The following BEND6 variants were observed in gnomAD, a reference collection of about 807,000 sequenced individuals.
BEND6 encodes the protein BEN domain containing 6.
A neutral mutation model predicts 31.8 loss-of-function variants in BEND6; 24 were observed. The observed-to-expected ratio is 0.75, with a 90% CI of 0.55 to 1.06. The LOEUF is 1.06. Among genes scored for constraint, BEND6 ranks in the 50% least tolerant of loss-of-function variants. BEND6 has a pLI of 0.00. For missense variants in BEND6, 294 were observed against 327.4 expected (o/e 0.90, Z 0.79); for synonymous variants, 109 against 114.6 (o/e 0.95, Z 0.31).
chr6:57,001,534 G>C (rs931633857), intron 3 of BEND6, among the ~76,000 whole-genome samples: 1 of 152,124 alleles, frequency 6.6e-6, no homozygotes, highest in Non-Finnish European at 1.5e-5. Context: ...TCAGGTGAAT[G>C]GTGGACTTCT....
chr6:56,960,535 TAATAA>T (rs1825252753), intron 1 of BEND6, among the ~76,000 whole-genome samples: 2 of 152,370 alleles, frequency 1.3e-5, no homozygotes, highest in Middle Eastern at 3.4e-3. Flanking sequence ...GTTGTGATGA[TAATAA>T]AACTACAGCA....
At chr6:57,010,690 TA>T in intron 3 of BEND6, 3 of 913,644 alleles carry the variant, frequency 3.3e-6, no homozygotes, top group Non-Finnish European at 3.9e-6. Context: ...ATTAAAAGTT[TA>T]AAAAATATAT....
Position 56,981,696 on chromosome 6 carries a change from G to T in BEND6, c.-100-15G>T. The T allele has an allele frequency of 8.2e-7, 1 of 1,217,746 alleles. No homozygotes were observed. Among genetic ancestry groups the T allele is most frequent in the South Asian group, 1.3e-5 (1 of 74,262 alleles). 75.4% of individuals were successfully genotyped at this position (1,217,746 alleles called of 1,614,324 possible). On this transcript the variant is annotated splice_polypyrimidine_tract_variant and intron_variant, in intron 1 of 6. Transcript: ENST00000370746. ...TGAATATGTTATGTGTCATGTTTTTGTTTTTGTTTTTAAGGGAAAGCATTA... is the reference window on the plus strand; with the variant it reads ...TGAATATGTTATGTGTCATGTTTTTTTTTTTGTTTTTAAGGGAAAGCATTA...
At chr6:56,970,651 A>G (rs1825660765) in intron 1 of BEND6, among the ~76,000 whole-genome samples, 1 of 152,248 alleles carries the variant, frequency 6.6e-6, no homozygotes, top group Admixed American at 6.5e-5. Context: ...AGTATTTAAT[A>G]TATAGCCATA....
intron 3 of BEND6, among the ~76,000 whole-genome samples, chr6:57,005,712 GGAAGA>G (rs1425396564): frequency 1.3e-5 from 2 of 151,298 alleles, no homozygotes; most frequent in East Asian, 3.9e-4. Context: ...GTTACAAATG[GGAAGA>G]GAAGAGGCCA....
intron 6 of BEND6, among the ~76,000 whole-genome samples, chr6:57,020,940 A>C (rs142132661): frequency 2.6e-5 from 4 of 151,672 alleles, no homozygotes; most frequent in African/African-American, 9.7e-5. Context: ...AAGTTAAGAG[A>C]TTTTTATATC....
chr6:56,963,603 T>C (rs1825361675), intron 1 of BEND6, among the ~76,000 whole-genome samples: 1 of 152,058 alleles, frequency 6.6e-6, no homozygotes, highest in Admixed American at 6.6e-5. Context: ...ATTTTTTCTT[T>C]ATATTTTTAC....
intron 6 of BEND6, among the ~76,000 whole-genome samples, chr6:57,020,628 G>T (rs1827710956): frequency 6.6e-6 from 1 of 151,870 alleles, no homozygotes; most frequent in Admixed American, 6.6e-5. Context: ...CACCATGTTG[G>T]CCAGGCTGGT....
chr6:56,995,613 C>CCTAG (rs1227839396), intron 3 of BEND6, among the ~76,000 whole-genome samples: 1 of 152,128 alleles, frequency 6.6e-6, no homozygotes, highest in African/African-American at 2.4e-5. Context: ...TCTGATTGTT[C>CCTAG]CTTGGATAAG....
At chr6:57,017,537 C>A in intron 5 of BEND6, 138 bp downstream of exon 5, 1 of 683,878 alleles carries the variant, frequency 1.5e-6, no homozygotes, top group Non-Finnish European at 2.0e-6. Flanking sequence ...TAGTCTAAAG[C>A]TCTCATTAAA....
At chr6:56,993,466 A>C (rs1365213561) in intron 3 of BEND6, among the ~76,000 whole-genome samples, 1 of 152,206 alleles carries the variant, frequency 6.6e-6, no homozygotes, top group African/African-American at 2.4e-5. Context: ...CTACCCTAGA[A>C]CAATGGCTTA....
intron 1 of BEND6, among the ~76,000 whole-genome samples, chr6:56,964,394 A>G (rs908354037): frequency 3.3e-5 from 5 of 152,164 alleles, no homozygotes; most frequent in Non-Finnish European, 7.3e-5. Flanking sequence ...CATTTGCCCA[A>G]GGTTCTGTGT....
Position 57,026,832 on chromosome 6 carries a change from T to C in BEND6, c.*760T>C, listed in dbSNP as rs1480085946. The C allele has an allele frequency of 2.0e-5, 3 of 152,226 alleles. No individual in the cohort carries two copies. The highest frequency in any genetic ancestry group is 1.9e-4 in the East Asian group (1 of 5,204). 9.4% of individuals were successfully genotyped at this position (152,226 alleles called of 1,614,324 possible). On this transcript the variant is annotated 3_prime_UTR_variant, in exon 7 of 7. Coordinates refer to ENST00000370746, the MANE Select transcript of BEND6 (RefSeq NM_152731.3). ...TTTGTTTGTTTATTTACCAGACATG[T>C]TCTAACTTTGTATTGCCCAAAGTAT...
chr6:56,964,018 ATAT>A (rs1007455077), intron 1 of BEND6, among the ~76,000 whole-genome samples: 1 of 147,886 alleles, frequency 6.8e-6, no homozygotes, highest in Non-Finnish European at 1.5e-5. Flanking sequence ...AGTAGTAATT[ATAT>A]TATTACAATT....
intron 1 of BEND6, among the ~76,000 whole-genome samples, chr6:56,962,605 G>A (rs1825329791): frequency 2.6e-5 from 4 of 152,214 alleles, no homozygotes; most frequent in Admixed American, 2.0e-4. Context: ...TCTGGGCCTA[G>A]TGGGCACTGT....
intron 1 of BEND6, among the ~76,000 whole-genome samples, chr6:56,960,937 T>G (rs1484038982): frequency 6.6e-6 from 1 of 152,198 alleles, no homozygotes; most frequent in Non-Finnish European, 1.5e-5. Flanking sequence ...AGAGTTTATA[T>G]TTCAAAGAAG....
chr6:57,015,641 C>G (rs1355433731), intron 4 of BEND6, among the ~76,000 whole-genome samples: 1 of 130,660 alleles, frequency 7.7e-6, no homozygotes, highest in Non-Finnish European at 1.6e-5. Context: ...ACTAAAAATA[C>G]AAAAAAAAAA....
intron 6 of BEND6, among the ~76,000 whole-genome samples, chr6:57,019,648 T>C (rs1827675436): frequency 6.6e-6 from 1 of 152,214 alleles, no homozygotes; most frequent in African/African-American, 2.4e-5. Context: ...CCTTATCTAT[T>C]TTGCTACACA....
At chr6:56,958,376 A>C (rs746381464) in intron 1 of BEND6, among the ~76,000 whole-genome samples, 4 of 152,238 alleles carry the variant, frequency 2.6e-5, no homozygotes, top group Non-Finnish European at 5.9e-5. Flanking sequence ...ATCAAGAAGA[A>C]ACATCAGAAA....
Sources: allele counts gnomAD v4.1 joint callset (sites outside exome capture counted in the v4.1 genomes callset), GRCh38; gene constraint gnomAD v4.1.1; transcripts MANE v1.5; gene names NCBI Gene and HGNC (gene_info 2026-07-23, HGNC 2026-07-21).